Variants in EDIL3 observed in about 807,000 individuals in gnomAD.
EDIL3 encodes EGF-like repeat and discoidin I-like domain-containing protein 3.
EDIL3 carries 37 observed loss-of-function variants against 67.4 expected under a neutral mutation model. The observed-to-expected ratio is 0.55, with a 90% CI of 0.42 to 0.72. EDIL3 has a LOEUF of 0.72. EDIL3 is among the 30% of genes least tolerant of loss of function. The probability of loss-of-function intolerance (pLI) is 0.00; values close to 1 mark genes in which losing one functional copy is unlikely to be tolerated. For synonymous variants in EDIL3, 195 were observed against 196.3 expected (o/e 0.99, Z 0.05); for missense variants, 527 against 586.3 (o/e 0.90, Z 1.04).
intron 1 of EDIL3, among the ~76,000 whole-genome samples, chr5:84,352,382 C>A (rs1050888827): frequency 6.6e-6 from 1 of 152,040 alleles, no homozygotes; most frequent in Non-Finnish European, 1.5e-5. Flanking sequence ...ATGGAATCAA[C>A]CTGAGTGTCT....
chr5:84,012,562 C>T (rs1745535399), intron 9 of EDIL3, among the ~76,000 whole-genome samples: 1 of 152,034 alleles, frequency 6.6e-6, no homozygotes, highest in African/African-American at 2.4e-5. Flanking sequence ...AAAAAGGGTC[C>T]AGTAGCATTT....
intron 6 of EDIL3, among the ~76,000 whole-genome samples, 165 bp downstream of exon 6, chr5:84,106,484 T>C (rs1747463496): frequency 6.6e-6 from 1 of 152,144 alleles, no homozygotes; most frequent in Admixed American, 6.6e-5. Context: ...GTGCATGTTT[T>C]TTACTTCTCA....
intron 1 of EDIL3, among the ~76,000 whole-genome samples, chr5:84,357,195 G>T (rs1210327004): frequency 1.3e-5 from 2 of 151,880 alleles, no homozygotes; most frequent in Non-Finnish European, 2.9e-5. Context: ...AAAATGTTTG[G>T]ATTACAGGCA....
Position 84,050,821 on chromosome 5 carries a change from T to A in EDIL3, c.1137+9479A>T, listed in dbSNP as rs149130843. Among the ~76,000 whole-genome samples, 1,023 of 152,280 alleles carry A rather than the reference T, an allele frequency of 6.7e-3. 15 individuals are homozygous for A. Among genetic ancestry groups the A allele is most frequent in the African/African-American group, 0.024 (991 of 41,548 alleles). On this transcript the variant is annotated intron_variant, in intron 9 of 10. Coordinates refer to ENST00000296591, the MANE Select transcript of EDIL3 (RefSeq NM_005711.5). ...AGGTAAACAAAGCAGCCAGGAAGCT[T>A]GAACTGGGTGAAGCCCACCGCAGCT...
intron 9 of EDIL3, among the ~76,000 whole-genome samples, chr5:84,057,317 A>G (rs148742636): frequency 1.3e-5 from 2 of 152,246 alleles, no homozygotes; most frequent in South Asian, 2.1e-4. Context: ...TTTAATTTTT[A>G]TCTTTCCAAA....
intron 6 of EDIL3, among the ~76,000 whole-genome samples, chr5:84,086,757 AAACT>A (rs767804941): frequency 3.9e-5 from 6 of 152,110 alleles, no homozygotes; most frequent in Non-Finnish European, 5.9e-5. Flanking sequence ...CAGAAAACCC[AAACT>A]AACTATGTCT....
chr5:84,182,270 T>TACACACAC lies in EDIL3; in HGVS notation c.227-1757_227-1750dup, dbSNP rs71607704. 6.5e-3 allele frequency among the ~76,000 whole-genome samples: 930 copies of TACACACAC among 142,010 alleles called. 11 individuals carry two copies. The highest frequency in any genetic ancestry group is 0.021 in the African/African-American group (785 of 37,506). 93.2% of individuals were successfully genotyped at this position (142,010 alleles called of 152,430 possible). A position where few individuals can be genotyped will look rare whatever the true frequency, so the allele number is the denominator to read the frequency against. On this transcript the variant is annotated intron_variant, in intron 3 of 10. Transcript: ENST00000296591. ...GGTGAAACTCCACTTCTACAAAAAA[T>TACACACAC]ACACACACACACACACACACACACA...
At chr5:83,996,982 C>T (rs1251965193) in intron 9 of EDIL3, among the ~76,000 whole-genome samples, 1 of 152,118 alleles carries the variant, frequency 6.6e-6, no homozygotes, top group Admixed American at 6.6e-5. Flanking sequence ...GCCAAGTGAA[C>T]AGGCAGGAAG....
intron 5 of EDIL3, among the ~76,000 whole-genome samples, chr5:84,112,437 A>T (rs1388007859): frequency 1.3e-5 from 2 of 152,348 alleles, no homozygotes; most frequent in South Asian, 4.1e-4. Flanking sequence ...GAGCAAACAT[A>T]GGTGTTTCCT....
intron 10 of EDIL3, among the ~76,000 whole-genome samples, chr5:83,948,281 T>G (rs1185885137): frequency 2.0e-5 from 3 of 151,716 alleles, no homozygotes; most frequent in African/African-American, 7.2e-5. Flanking sequence ...AAGGGACAGA[T>G]GCTTATTAAT....
intron 9 of EDIL3, among the ~76,000 whole-genome samples, chr5:83,989,416 T>C (rs898546535): frequency 5.3e-5 from 8 of 152,296 alleles, no homozygotes; most frequent in South Asian, 2.1e-4. Flanking sequence ...ATAGCAGAGA[T>C]AGTTTGTCCA....
chr5:84,202,296 C>G (rs1447659280), intron 3 of EDIL3, among the ~76,000 whole-genome samples: 1 of 152,124 alleles, frequency 6.6e-6, no homozygotes, highest in Non-Finnish European at 1.5e-5. Context: ...CAGAGAGCCC[C>G]TACTGACTCA....
chr5:84,106,338 C>T (rs1410329521), intron 6 of EDIL3, among the ~76,000 whole-genome samples: 1 of 152,062 alleles, frequency 6.6e-6, no homozygotes, highest in African/African-American at 2.4e-5. Flanking sequence ...TAAGTTGCTG[C>T]TAAACGTTAT....
At chr5:84,368,371 T>A (rs1324091201) in intron 1 of EDIL3, among the ~76,000 whole-genome samples, 1 of 152,158 alleles carries the variant, frequency 6.6e-6, no homozygotes, top group Admixed American at 6.6e-5. Flanking sequence ...ATATGGATTG[T>A]CAATGGGGAA....
chr5:84,320,174 C>A (rs1746606686), intron 1 of EDIL3, among the ~76,000 whole-genome samples: 1 of 151,672 alleles, frequency 6.6e-6, no homozygotes, highest in Non-Finnish European at 1.5e-5. Context: ...TACTGCACAC[C>A]CCTCCCCCAA....
chr5:84,006,097 T>TAATAATAATAATAAC (rs1296550727), intron 9 of EDIL3, among the ~76,000 whole-genome samples: 19 of 148,758 alleles, frequency 1.3e-4, no homozygotes, highest in Non-Finnish European at 2.7e-4. Flanking sequence ...ATAATAATAA[T>TAATAATAATAATAAC]AATAATAATA....
rs886588493 is a variant in EDIL3 at position 84,064,774 on chromosome 5, T to C, written c.878A>G (p.Tyr293Cys). The change falls in exon 8 of 11, where the codon TAT becomes TGT. Residue 293 changes from tyrosine (Y) to cysteine (C), a missense_variant. Tyr to Cys is a radical substitution (Grantham distance 194, BLOSUM62 -2). Around this residue, in one of 2 missense-constraint regions of EDIL3, gnomAD observed 494 missense variants for 522.5 expected, o/e 0.95. Transcript: ENST00000296591. The stretch of plus-strand genomic sequence containing the variant: ...ACAAACTTGGGGATAGAGTCTTACA[T>C]ACTGAGCTTTTATGGGGGGTGTGAA... ...NSFTPPIKAQ[Y>C]VRLYPQVCRR... 1 of 1,614,022 alleles carries C rather than the reference T, an allele frequency of 6.2e-7. No homozygotes were observed. Among genetic ancestry groups the C allele is most frequent in the South Asian group, 1.1e-5 (1 of 91,060 alleles).
At chr5:84,379,445 AAG>A (rs1748032623) in intron 1 of EDIL3, among the ~76,000 whole-genome samples, 1 of 152,156 alleles carries the variant, frequency 6.6e-6, no homozygotes, top group Non-Finnish European at 1.5e-5. Context: ...TAATGACAAA[AAG>A]AGTAAATAAA....
chr5:84,054,305 A>T (rs2112228429), intron 9 of EDIL3, among the ~76,000 whole-genome samples: 1 of 152,326 alleles, frequency 6.6e-6, no homozygotes, highest in Non-Finnish European at 1.5e-5. Context: ...GATGGGATGT[A>T]TCTAAAAATA....
Sources: allele counts gnomAD v4.1 joint callset (sites outside exome capture counted in the v4.1 genomes callset), GRCh38; gene constraint gnomAD v4.1.1; regional missense constraint gnomAD v4.1.1; transcripts MANE v1.5; gene names NCBI Gene and HGNC (gene_info 2026-07-23, HGNC 2026-07-21).